Variants in TEX26 observed in about 807,000 individuals in gnomAD.
The protein encoded by TEX26 is testis-expressed protein 26.
Under a neutral mutation model 35.3 loss-of-function variants are expected in TEX26, and 34 were observed. The ratio of observed to expected loss-of-function variants is 0.96; its 90% CI spans 0.73 to 1.28. The LOEUF (loss-of-function observed/expected upper bound fraction) is 1.28. TEX26 is among the 50% of genes most tolerant of loss of function. The probability of loss-of-function intolerance (pLI) is 0.00; values close to 1 mark genes in which losing one functional copy is unlikely to be tolerated. For missense variants in TEX26, 371 were observed against 330.1 expected, an observed-to-expected ratio of 1.12 and a Z score of -0.96; for synonymous variants, 136 against 111.8, an observed-to-expected ratio of 1.22 and a Z score of -1.36.
intron 2 of TEX26, among the ~76,000 whole-genome samples, chr13:30,949,678 G>A (rs1157386260): frequency 6.6e-6 from 1 of 151,870 alleles, no homozygotes; most frequent in Non-Finnish European, 1.5e-5. Flanking sequence ...AATAAAATGT[G>A]TAGCTAAATG....
intron 1 of TEX26, among the ~76,000 whole-genome samples, chr13:30,939,054 A>G (rs757145953): frequency 7.9e-5 from 12 of 152,258 alleles, no homozygotes; most frequent in Non-Finnish European, 1.0e-4. Context: ...TTAGTGACAG[A>G]TATAAGAAAA....
intron 2 of TEX26, among the ~76,000 whole-genome samples, chr13:30,940,691 A>C (rs758015720): frequency 6.6e-6 from 1 of 152,104 alleles, no homozygotes. Flanking sequence ...AGAGCCTTCA[A>C]TTATCATCTT....
intron 2 of TEX26, among the ~76,000 whole-genome samples, chr13:30,948,996 G>A (rs1369182278): frequency 6.6e-6 from 1 of 152,180 alleles, no homozygotes; most frequent in East Asian, 1.9e-4. Flanking sequence ...ATTAAATAGG[G>A]AATCCTTTCC....
intron 6 of TEX26, among the ~76,000 whole-genome samples, chr13:30,969,434 A>G (rs185864409): frequency 6.6e-6 from 1 of 152,098 alleles, no homozygotes; most frequent in Non-Finnish European, 1.5e-5. Flanking sequence ...TTGCTGGTAC[A>G]TTTTTGTGAT....
In TEX26 at chr13:30,937,472, G is replaced by A. The variant is rs566217189; in HGVS notation, c.62-2222G>A. Reference sequence around the variant, plus strand: ...GCAGAATATCCTTCCTGATTGTTCCGAAAGTCCAATGCCGAAGTTCAAATC... The same window carrying A: ...GCAGAATATCCTTCCTGATTGTTCCAAAAGTCCAATGCCGAAGTTCAAATC... On this transcript the variant is annotated intron_variant, in intron 1 of 6. Coordinates refer to ENST00000380473, the MANE Select transcript of TEX26 (RefSeq NM_152325.3). Among the ~76,000 whole-genome samples the A allele has an allele frequency of 7.9e-5, 12 of 152,146 alleles. No individual in the cohort carries two copies. The South Asian group carries it at 1.0e-3, about 13-fold the overall frequency.
chr13:30,972,379 C>T (rs775314023), intron 6 of TEX26, among the ~76,000 whole-genome samples: 13 of 152,182 alleles, frequency 8.5e-5, no homozygotes, highest in Admixed American at 2.6e-4. Context: ...ACACACTCAT[C>T]GTTTTTACTA....
chr13:30,972,798 C>T (rs1954758063), intron 6 of TEX26, among the ~76,000 whole-genome samples: 1 of 152,208 alleles, frequency 6.6e-6, no homozygotes, highest in Non-Finnish European at 1.5e-5. Context: ...CCACGCCCAG[C>T]TAATTTTTTT....
At chr13:30,956,632 CTT>C (rs1246516266) in intron 3 of TEX26, among the ~76,000 whole-genome samples, 1 of 152,190 alleles carries the variant, frequency 6.6e-6, no homozygotes, top group African/African-American at 2.4e-5. Flanking sequence ...AAGCACAACT[CTT>C]TGAAGTTTTC....
At chr13:30,972,133 G>A (rs1168611916) in intron 6 of TEX26, among the ~76,000 whole-genome samples, 1 of 152,116 alleles carries the variant, frequency 6.6e-6, no homozygotes, top group East Asian at 1.9e-4. Flanking sequence ...GTCTGTGAGG[G>A]GTACTCCCAA....
rs1953115072 is a variant in TEX26, at chr13:30,932,726, C to T, written c.11C>T (p.Pro4Leu). The change falls in exon 1 of 7, where the codon CCT becomes CTT. Residue 4 changes from proline to leucine, a missense_variant. Coordinates refer to ENST00000380473, the MANE Select transcript of TEX26 (RefSeq NM_152325.3). MEQ[P>L]GPRAPDPSLC... is the part of the protein sequence containing the mutation. ...GCCTCCTGGGGCAGAATGGAACAGCCTGGGCCCAGGGCTCCGGATCCCTCT... is the reference window on the plus strand; with the variant it reads ...GCCTCCTGGGGCAGAATGGAACAGCTTGGGCCCAGGGCTCCGGATCCCTCT... 1 of 1,613,672 alleles carries T rather than the reference C, an allele frequency of 6.2e-7. No individual in the cohort carries two copies. Among genetic ancestry groups the T allele is most frequent in the Non-Finnish European group, 8.5e-7 (1 of 1,179,974 alleles).
chr13:30,937,072 C>A, intron 1 of TEX26: 1 of 863,616 alleles, frequency 1.2e-6, no homozygotes, highest in Non-Finnish European at 1.4e-6. Context: ...AAGTGTGCAT[C>A]CAAGCAGGTT....
At chr13:30,948,762 A>G (rs1953811246) in intron 2 of TEX26, among the ~76,000 whole-genome samples, 1 of 152,066 alleles carries the variant, frequency 6.6e-6, no homozygotes, top group Non-Finnish European at 1.5e-5. Flanking sequence ...CCATTTGTCA[A>G]TTTTGGCTTT....
chr13:30,944,401 C>T (rs1049369194), intron 2 of TEX26, among the ~76,000 whole-genome samples: 3 of 151,792 alleles, frequency 2.0e-5, no homozygotes, highest in Non-Finnish European at 3.0e-5. Flanking sequence ...TTTCAAAGAA[C>T]AAGCTTTTTG....
intron 4 of TEX26, among the ~76,000 whole-genome samples, chr13:30,960,538 C>A (rs1451102278): frequency 6.6e-6 from 1 of 152,156 alleles, no homozygotes; most frequent in Non-Finnish European, 1.5e-5. Context: ...AGCCACCATG[C>A]CTGGCTGAAA....
At chr13:30,945,515 T>C (rs2138209704) in intron 2 of TEX26, among the ~76,000 whole-genome samples, 1 of 152,028 alleles carries the variant, frequency 6.6e-6, no homozygotes, top group East Asian at 1.9e-4. Context: ...GATACTTTGT[T>C]TTTTTTCATT....
In TEX26 at chr13:30,968,981, T is replaced by C. The variant is rs749551232; in HGVS notation, c.743T>C (p.Leu248Ser). ...TACGACAAAACCTACCCAGATTTCT[T>C]AATGCTTTTAAACTCATTTACTTCC... Reference protein sequence around the residue: ...SDYDKTYPDFLMLLNSFTSSQ... With the variant: ...SDYDKTYPDFSMLLNSFTSSQ... Residue 248 changes from leucine (L) to serine (S), a missense_variant, in exon 6 of 7, where the codon TTA becomes TCA. Coordinates refer to ENST00000380473, the MANE Select transcript of TEX26 (RefSeq NM_152325.3). 2 of 1,614,156 alleles carry C rather than the reference T, an allele frequency of 1.2e-6. No homozygotes were observed. The highest frequency in any genetic ancestry group is 3.3e-5 in the Admixed American group (2 of 60,022).
intron 4 of TEX26, among the ~76,000 whole-genome samples, chr13:30,959,556 G>T (rs1954260284): frequency 6.6e-6 from 1 of 152,102 alleles, no homozygotes; most frequent in African/African-American, 2.4e-5. Context: ...GTAAATGTTT[G>T]CTGCTGAGCC....
chr13:30,934,690 C>T (rs1464406114), intron 1 of TEX26, among the ~76,000 whole-genome samples: 3 of 152,292 alleles, frequency 2.0e-5, no homozygotes, highest in East Asian at 3.9e-4. Context: ...TGCAACACTC[C>T]ATGGAGCCCG....
chr13:30,967,509 A>G (rs1954579943), intron 5 of TEX26, among the ~76,000 whole-genome samples: 1 of 152,194 alleles, frequency 6.6e-6, no homozygotes, highest in Non-Finnish European at 1.5e-5. Context: ...TAGTTAGTAT[A>G]AATCTATGAC....
Sources: gnomAD v4.1 joint callset for allele counts (sites outside exome capture counted in the v4.1 genomes callset) on GRCh38, gnomAD v4.1.1 for gene constraint, MANE v1.5 for transcripts, NCBI Gene and HGNC (gene_info 2026-07-23, HGNC 2026-07-21) for gene names.